The following SHROOM3 variants were observed in gnomAD, a reference collection of about 807,000 sequenced individuals.
The protein encoded by SHROOM3 is protein Shroom3.
A neutral mutation model predicts 138.6 loss-of-function variants in SHROOM3; 47 were observed. That is an observed-to-expected ratio of 0.34 (90% CI 0.27 to 0.43). SHROOM3 has a LOEUF of 0.43. SHROOM3 is among the 20% of genes least tolerant of loss of function. The pLI is 1.00. For synonymous variants in SHROOM3, 1,062 were observed against 1,063.3 expected, an observed-to-expected ratio of 1.00 and a Z score of 0.02; for missense variants, 2,491 against 2,596.5, an observed-to-expected ratio of 0.96 and a Z score of 0.88.
At chr4:76,713,384 A>G (rs1720287351) in intron 3 of SHROOM3, among the ~76,000 whole-genome samples, 1 of 151,802 alleles carries the variant, frequency 6.6e-6, no homozygotes, top group African/African-American at 2.4e-5. Context: ...ACAAACACAC[A>G]CTCTAGCCTA....
chr4:76,640,484 C>T (rs1207687407), intron 2 of SHROOM3, among the ~76,000 whole-genome samples: 2 of 152,144 alleles, frequency 1.3e-5, no homozygotes, highest in African/African-American at 4.8e-5. Context: ...CTTGAGAAGA[C>T]TAGTCATACT....
intron 4 of SHROOM3, among the ~76,000 whole-genome samples, chr4:76,731,823 G>A (rs904746344): frequency 2.6e-5 from 4 of 151,692 alleles, no homozygotes; most frequent in Non-Finnish European, 2.9e-5. Context: ...TTTAAGCTTG[G>A]AAAGATTAGT....
At chr4:76,685,790 C>T (rs1719318833) in intron 2 of SHROOM3, among the ~76,000 whole-genome samples, 1 of 152,038 alleles carries the variant, frequency 6.6e-6, no homozygotes, top group African/African-American at 2.4e-5. Flanking sequence ...ACCAGCCTGG[C>T]CAACATGGTG....
chr4:76,724,000 G>A (rs1720627125), intron 3 of SHROOM3, among the ~76,000 whole-genome samples: 1 of 152,206 alleles, frequency 6.6e-6, no homozygotes, highest in African/African-American at 2.4e-5. Flanking sequence ...AGGCACATAG[G>A]TGATTAGTGA....
intron 1 of SHROOM3, among the ~76,000 whole-genome samples, chr4:76,480,538 G>C (rs1031836711): frequency 6.6e-6 from 1 of 152,072 alleles, no homozygotes; most frequent in Non-Finnish European, 1.5e-5. Flanking sequence ...CAATAATAGT[G>C]GGAGACTTTA....
rs759244063 is a variant in SHROOM3, at chr4:76,741,871, C to T, written c.3698C>T (p.Ala1233Val). 13 of 1,611,596 alleles carry T rather than the reference C, an allele frequency of 8.1e-6. No individual in the cohort carries two copies. The South Asian group carries it at 8.8e-5, about 11-fold the overall frequency. The change falls in exon 5 of 11, where the codon GCG (alanine) becomes GTG (valine). Residue 1233 changes from alanine (A) to valine (V), a missense_variant. Ala to Val is a moderately conservative substitution (Grantham distance 64). This residue lies in a region of SHROOM3 where 1,733 missense variants were observed against 1,661.6 expected (regional missense o/e 1.04). Coordinates refer to ENST00000296043, the MANE Select transcript of SHROOM3 (RefSeq NM_020859.4). This position sits in a 1 kb window ranked among gnomAD's most constrained non-coding sequence, Gnocchi z 6.2. ...CTGCTGGAACGCTCGGACGTCCTTG[C>T]GGGCCCTGTCCATGTGAGGTCCAGG... ...EDLLERSDVL[A>V]GPVHVRSRSS...
At chr4:76,455,061 G>T (rs554922083) in intron 1 of SHROOM3, among the ~76,000 whole-genome samples, 1 of 152,080 alleles carries the variant, frequency 6.6e-6, no homozygotes, top group African/African-American at 2.4e-5. Context: ...AATCTTTGGA[G>T]GTTTCTACAT....
In SHROOM3 at chr4:76,755,237, G is replaced by C. The variant is rs375332928; in HGVS notation, c.4709+45G>C. 10 of 1,599,448 alleles carry C rather than the reference G, an allele frequency of 6.3e-6. No homozygotes were observed. In the African/African-American group the frequency reaches 1.2e-4, roughly 19 times the overall value. Reference sequence around the variant, plus strand: ...AGCTTTCCCCCACTAACAGGAGAGTGTCATGCCCCAGGTGGCCCAGGTCCT... The same window carrying C: ...AGCTTTCCCCCACTAACAGGAGAGTCTCATGCCCCAGGTGGCCCAGGTCCT... On this transcript the variant is annotated intron_variant, in intron 7 of 10. Transcript: ENST00000296043.
At chr4:76,436,892 C>T (rs1730574481) in intron 1 of SHROOM3, among the ~76,000 whole-genome samples, 1 of 152,152 alleles carries the variant, frequency 6.6e-6, no homozygotes. Flanking sequence ...TTCTCTTAAA[C>T]TACAGATTAA....
intron 1 of SHROOM3, among the ~76,000 whole-genome samples, chr4:76,445,789 G>A (rs1730792777): frequency 6.6e-6 from 1 of 152,080 alleles, no homozygotes; most frequent in African/African-American, 2.4e-5. Context: ...TTAAACCCTG[G>A]GAGGTTTTTA....
chr4:76,730,119 T>C (rs1268538875), intron 3 of SHROOM3, among the ~76,000 whole-genome samples: 2 of 152,260 alleles, frequency 1.3e-5, no homozygotes, highest in African/African-American at 2.4e-5. Flanking sequence ...CATTCTTCAG[T>C]GTTGCAGTCT....
chr4:76,610,918 C>T (rs1734747090), intron 2 of SHROOM3, among the ~76,000 whole-genome samples: 1 of 152,154 alleles, frequency 6.6e-6, no homozygotes, highest in Admixed American at 6.5e-5. Context: ...GGCTGCTTTC[C>T]TCCAAGTTCA....
intron 3 of SHROOM3, among the ~76,000 whole-genome samples, chr4:76,720,146 T>G (rs1042230935): frequency 6.8e-6 from 1 of 146,622 alleles, no homozygotes; most frequent in South Asian, 2.2e-4. Context: ...AAAAGTGTTT[T>G]TTAGGTTTTT....
At position 76,603,658 on chromosome 4, in the gene SHROOM3, G is replaced by A. The variant is rs1357482846; in HGVS notation, c.323+47895G>A. Among the ~76,000 whole-genome samples the A allele has an allele frequency of 2.0e-5, 3 of 151,780 alleles. No individual in the cohort carries two copies. The East Asian group carries it at 5.8e-4, about 30-fold the overall frequency. ...GCAGGTTTGTTACATAGGTATACATGTGCCATGTTGGTTTGCTGCACCCAT... is the reference window on the plus strand; with the variant it reads ...GCAGGTTTGTTACATAGGTATACATATGCCATGTTGGTTTGCTGCACCCAT... On this transcript the variant is annotated intron_variant, in intron 2 of 10. Transcript: ENST00000296043.
At chr4:76,596,579 GAA>G (rs1432960654) in intron 2 of SHROOM3, among the ~76,000 whole-genome samples, 3 of 90,896 alleles carry the variant, frequency 3.3e-5, no homozygotes, top group Non-Finnish European at 6.6e-5. Flanking sequence ...TAGGTACAGA[GAA>G]ACACACACAC....
intron 3 of SHROOM3, 71 bp from the exon 4 acceptor site, chr4:76,730,733 A>G: frequency 6.2e-7 from 1 of 1,602,852 alleles, no homozygotes; most frequent in South Asian, 1.1e-5. Flanking sequence ...CCAAATCCAC[A>G]AGTCACATCA....
At chr4:76,764,517 A>G (rs905570872) in intron 9 of SHROOM3, among the ~76,000 whole-genome samples, 7 of 152,170 alleles carry the variant, frequency 4.6e-5, no homozygotes, top group Non-Finnish European at 8.8e-5. Flanking sequence ...ACTTCCTTTC[A>G]GTATTTATTT....
chr4:76,732,857 T>G (rs1720925210), intron 4 of SHROOM3, among the ~76,000 whole-genome samples: 1 of 152,200 alleles, frequency 6.6e-6, no homozygotes. Flanking sequence ...AACTAGTACC[T>G]ACATCATTGG....
chr4:76,544,415 T>C (rs1228648263), intron 1 of SHROOM3, among the ~76,000 whole-genome samples: 1 of 128,926 alleles, frequency 7.8e-6, no homozygotes, highest in Non-Finnish European at 1.6e-5. Context: ...GGCTTTTTTT[T>C]TTTTTTTTTT....
Sources: gnomAD v4.1 joint callset for allele counts (sites outside exome capture counted in the v4.1 genomes callset) on GRCh38, gnomAD v4.1.1 for gene constraint, gnomAD v4.1.1 regional missense constraint, Gnocchi (gnomAD v3.1) non-coding constraint, MANE v1.5 for transcripts, NCBI Gene and HGNC (gene_info 2026-07-23, HGNC 2026-07-21) for gene names.